The following MSH4 variants were observed in gnomAD, a reference collection of about 807,000 sequenced individuals.
MSH4 encodes mutS homolog 4.
In MSH4, 106 loss-of-function variants were observed where a neutral mutation model predicts 113.7. The ratio of observed to expected loss-of-function variants is 0.93; its 90% CI spans 0.80 to 1.10. The LOEUF (loss-of-function observed/expected upper bound fraction) is 1.10. MSH4 is among the 50% of genes least tolerant of loss of function. MSH4 has a pLI of 0.00. For missense variants in MSH4, 1,061 were observed against 1,093.7 expected, an observed-to-expected ratio of 0.97 and a Z score of 0.42; for synonymous variants, 368 against 380.2, an observed-to-expected ratio of 0.97 and a Z score of 0.37.
Position 75,848,289 on chromosome 1 carries a change from A to G in MSH4, c.1230+13A>G. 1.3e-6 allele frequency: 2 copies of G among 1,545,298 alleles called. No individual in the cohort carries two copies. The highest frequency in any genetic ancestry group is 1.8e-6 in the Non-Finnish European group (2 of 1,120,244). On this transcript the variant is annotated intron_variant, in intron 8 of 19. Coordinates refer to ENST00000263187, the MANE Select transcript of MSH4 (RefSeq NM_002440.4). ...AAAGCAAGACACGGTATGTTTTTGT[A>G]TACATTTTGTATTATATTATTATAC...
intron 1 of MSH4, among the ~76,000 whole-genome samples, chr1:75,799,315 G>A (rs1251002041): frequency 6.6e-6 from 1 of 152,082 alleles, no homozygotes; most frequent in Admixed American, 6.6e-5. Flanking sequence ...TAGAACCAAG[G>A]CCCAAATAGG....
At chr1:75,820,394 G>A (rs5745382) in intron 6 of MSH4, among the ~76,000 whole-genome samples, 3,233 of 152,280 alleles carry the variant, frequency 0.021, 115 homozygotes, top group African/African-American at 0.074. Flanking sequence ...AGAAGGAATG[G>A]TACCAGCTCC....
At chr1:75,894,138 G>A (rs1054489666) in intron 17 of MSH4, among the ~76,000 whole-genome samples, 8 of 152,050 alleles carry the variant, frequency 5.3e-5, no homozygotes, top group Non-Finnish European at 1.0e-4. Context: ...CAGACATTAC[G>A]GCCCACCATA....
intron 8 of MSH4, among the ~76,000 whole-genome samples, chr1:75,851,743 C>T (rs953427547): frequency 9.9e-5 from 15 of 152,150 alleles, no homozygotes; most frequent in Non-Finnish European, 4.4e-5. Context: ...TAATACTTTA[C>T]ATATGATATA....
rs867447173 is a variant in MSH4, at chr1:75,886,545, A to G, written c.2108-2706A>G. Among the ~76,000 whole-genome samples the G allele has an allele frequency of 6.2e-3, 743 of 119,582 alleles. 27 individuals are homozygous for G. Among genetic ancestry groups the G allele is most frequent in the African/African-American group, 0.023 (707 of 30,144 alleles). 78.5% of individuals were successfully genotyped at this position (119,582 alleles called of 152,430 possible). ...TGATGTATTATATATATTATTATCT[A>G]TTATATACGATGTATTATATGCAAG... On this transcript the variant is annotated intron_variant, in intron 15 of 19. Coordinates refer to ENST00000263187, the MANE Select transcript of MSH4 (RefSeq NM_002440.4).
rs35936506 is a variant in MSH4, at chr1:75,882,663, TAAAAAAA to T, written c.1907-938_1907-932del. ...GGGCAACATAGCTAGACCTCATTTC[TAAAAAAA>T]AAAAAAAAAAAAAAAAAAATCGGTG... On this transcript the variant is annotated intron_variant, in intron 14 of 19. Transcript: ENST00000263187. Among the ~76,000 whole-genome samples the T allele has an allele frequency of 7.7e-3, 954 of 123,794 alleles. 14 individuals carry two copies. Among genetic ancestry groups the T allele is most frequent in the African/African-American group, 0.015 (495 of 33,484 alleles). The allele number at this position is 123,794 out of a possible 152,430, so 81.2% of individuals were successfully genotyped here. A position where few individuals can be genotyped will look rare whatever the true frequency, so the allele number is the denominator to read the frequency against.
At chr1:75,830,967 A>G (rs1650673192) in intron 7 of MSH4, among the ~76,000 whole-genome samples, 1 of 152,194 alleles carries the variant, frequency 6.6e-6, no homozygotes. Flanking sequence ...AATGGGCTAA[A>G]TGCTCCAATT....
intron 19 of MSH4, among the ~76,000 whole-genome samples, chr1:75,900,221 C>T (rs534354788): frequency 2.0e-5 from 3 of 152,238 alleles, no homozygotes; most frequent in Non-Finnish European, 2.9e-5. Flanking sequence ...GTAGGTTCAA[C>T]ACTAAACTCA....
intron 7 of MSH4, among the ~76,000 whole-genome samples, chr1:75,839,862 A>G (rs1227146223): frequency 1.4e-5 from 2 of 147,632 alleles, no homozygotes; most frequent in Non-Finnish European, 3.0e-5. Flanking sequence ...GGTGAAGGAC[A>G]TGAACAGACA....
chr1:75,894,498 C>T (rs1652330264), intron 17 of MSH4, among the ~76,000 whole-genome samples: 1 of 152,144 alleles, frequency 6.6e-6, no homozygotes, highest in African/African-American at 2.4e-5. Flanking sequence ...ACATTGAGTC[C>T]CCTTTATGGT....
chr1:75,835,002 G>T (rs1481643180), intron 7 of MSH4, among the ~76,000 whole-genome samples: 9 of 152,180 alleles, frequency 5.9e-5, no homozygotes, highest in Non-Finnish European at 1.3e-4. Flanking sequence ...CTGGCATGGT[G>T]GTGCAGTTTT....
At chr1:75,894,787 G>T (rs1412144393) in intron 17 of MSH4, among the ~76,000 whole-genome samples, 1 of 152,166 alleles carries the variant, frequency 6.6e-6, no homozygotes, top group Admixed American at 6.5e-5. Flanking sequence ...TCTTGAAGTA[G>T]TTGGCTTGAT....
chr1:75,894,693 C>T (rs1451973164), intron 17 of MSH4, among the ~76,000 whole-genome samples: 2 of 152,202 alleles, frequency 1.3e-5, no homozygotes, highest in Non-Finnish European at 2.9e-5. Context: ...TTCTTCTGAT[C>T]AAGGAACTTA....
intron 5 of MSH4, among the ~76,000 whole-genome samples, chr1:75,815,815 C>T (rs960565424): frequency 6.6e-6 from 1 of 152,128 alleles, no homozygotes; most frequent in East Asian, 1.9e-4. Context: ...TGAGACCAGC[C>T]TCAGCAACAT....
intron 15 of MSH4, among the ~76,000 whole-genome samples, chr1:75,885,314 T>TGG (rs755966813): frequency 5.4e-5 from 5 of 93,190 alleles, no homozygotes; most frequent in African/African-American, 1.8e-4. Flanking sequence ...AGACTCACAC[T>TGG]GGGGGTGTGT....
intron 7 of MSH4, among the ~76,000 whole-genome samples, chr1:75,826,536 C>A (rs982818511): frequency 6.6e-6 from 1 of 152,078 alleles, no homozygotes; most frequent in Non-Finnish European, 1.5e-5. Context: ...TTCTCTAATT[C>A]TTTTAATTGT....
chr1:75,805,614 T>C (rs1650044222), intron 2 of MSH4, among the ~76,000 whole-genome samples: 1 of 151,948 alleles, frequency 6.6e-6, no homozygotes, highest in Non-Finnish European at 1.5e-5. Context: ...CTCGAACTCC[T>C]GGCCACAAGT....
intron 7 of MSH4, among the ~76,000 whole-genome samples, chr1:75,826,146 G>A (rs1166815752): frequency 6.6e-6 from 1 of 152,124 alleles, no homozygotes; most frequent in African/African-American, 2.4e-5. Flanking sequence ...TTCAGAACTT[G>A]TTATTGGTCT....
At chr1:75,814,982 C>A in intron 4 of MSH4, 39 bp from the exon 5 acceptor site, 1 of 1,229,100 alleles carries the variant, frequency 8.1e-7, no homozygotes, top group African/African-American at 1.5e-5. Context: ...AAGCGCATGG[C>A]ACTTCAAACT....
Sources: allele counts gnomAD v4.1 joint callset (sites outside exome capture counted in the v4.1 genomes callset), GRCh38; gene constraint gnomAD v4.1.1; transcripts MANE v1.5; gene names NCBI Gene and HGNC (gene_info 2026-07-23, HGNC 2026-07-21).